The following SFXN4 variants were observed in gnomAD, a reference collection of about 807,000 sequenced individuals.
SFXN4 encodes the protein sideroflexin-4.
In SFXN4, 48 loss-of-function variants were observed where a neutral mutation model predicts 54.6. The observed-to-expected ratio is 0.88, with a 90% confidence interval of 0.70 to 1.12. The LOEUF (loss-of-function observed/expected upper bound fraction) is 1.12, where lower values mean the gene tolerates loss of function less well. Ranked by LOEUF, SFXN4 falls within the 50% of genes most tolerant of loss-of-function variation. The pLI is 0.00. For synonymous variants in SFXN4, 130 were observed against 145.5 expected, an observed-to-expected ratio of 0.89 and a Z score of 0.77; for missense variants, 383 against 409.2, an observed-to-expected ratio of 0.94 and a Z score of 0.55.
chr10:119,159,132 T>C (rs867364101), intron 6 of SFXN4, among the ~76,000 whole-genome samples: 2 of 151,910 alleles, frequency 1.3e-5, no homozygotes, highest in South Asian at 4.2e-4. Context: ...ATAAAAACAT[T>C]AGCTGGGTAT....
intron 9 of SFXN4, among the ~76,000 whole-genome samples, chr10:119,157,096 A>G (rs1437519940): frequency 6.6e-6 from 1 of 152,188 alleles, no homozygotes; most frequent in Non-Finnish European, 1.5e-5. Context: ...ATTATATAAC[A>G]TATTTATAAC....
At chr10:119,153,358 G>A (rs1362494091) in intron 11 of SFXN4, among the ~76,000 whole-genome samples, 1 of 143,802 alleles carries the variant, frequency 7.0e-6, no homozygotes, top group Admixed American at 7.1e-5. Flanking sequence ...CTGTAGAGCC[G>A]TGATCACACC....
rs527502242 is a variant in SFXN4 at position 119,149,755 on chromosome 10, T to G, written c.733-1895A>C. Among the ~76,000 whole-genome samples the G allele has an allele frequency of 1.3e-3, 205 of 152,080 alleles. 1 individual carries two copies. Among genetic ancestry groups the G allele is most frequent in the Non-Finnish European group, 2.2e-3 (151 of 67,982 alleles). On this transcript the variant is annotated intron_variant, in intron 11 of 13. Transcript: ENST00000355697. The stretch of plus-strand genomic sequence containing the variant: ...ACAGAGCGAGACTCAGTCTCTAAAA[T>G]AAAAGAAAATAAAATAAAAGTCTCA...
In SFXN4 at chr10:119,164,216, A is replaced by G; in HGVS notation, c.112-20T>C. The G allele has an allele frequency of 4.1e-6, 6 of 1,479,456 alleles. No individual in the cohort carries two copies. Among genetic ancestry groups the G allele is most frequent in the Non-Finnish European group, 5.6e-6 (6 of 1,076,874 alleles). 91.6% of individuals were successfully genotyped at this position (1,479,456 alleles called of 1,614,324 possible). A position where few individuals can be genotyped will look rare whatever the true frequency, so the allele number is the denominator to read the frequency against. On this transcript the variant is annotated intron_variant, in intron 1 of 13. Transcript: ENST00000355697. ...AAAGGACTTAGGAGGGAGAAAAGCA[A>G]CAGAGAGGTTAATGGCAGCAGAAAA...
At chr10:119,157,963 C>A (rs1847341212) in intron 7 of SFXN4, 36 bp from the exon 8 acceptor site, 1 of 1,614,144 alleles carries the variant, frequency 6.2e-7, no homozygotes, top group African/African-American at 1.3e-5. Flanking sequence ...ATTTTCGTTT[C>A]AAGCATAACA....
chr10:119,157,934 A>C lies in SFXN4; in HGVS notation c.415-7T>G. The stretch of plus-strand genomic sequence containing the variant: ...TGTAGGCACAGAGGAAAACCTGCCG[A>C]GAGGGGCAAATGGATCGCATTTTCG... On this transcript the variant is annotated splice_polypyrimidine_tract_variant and splice_region_variant and intron_variant, in intron 7 of 13. Coordinates refer to ENST00000355697, the MANE Select transcript of SFXN4 (RefSeq NM_213649.2). The C allele has an allele frequency of 6.2e-7, 1 of 1,614,260 alleles. No homozygotes were observed. Among genetic ancestry groups the C allele is most frequent in the Non-Finnish European group, 8.5e-7 (1 of 1,180,040 alleles).
At chr10:119,159,207 G>C (rs1305449612) in intron 6 of SFXN4, among the ~76,000 whole-genome samples, 2 of 151,858 alleles carry the variant, frequency 1.3e-5, no homozygotes, top group African/African-American at 4.8e-5. Context: ...TTGAACGAGG[G>C]AGGCAGAGGT....
At chr10:119,142,303 A>G (rs1206050878) in intron 13 of SFXN4, among the ~76,000 whole-genome samples, 1 of 152,118 alleles carries the variant, frequency 6.6e-6, no homozygotes, top group Non-Finnish European at 1.5e-5. Context: ...TCATTTCATC[A>G]AGCACCTCCC....
At chr10:119,154,135 G>A (rs186124000) in intron 11 of SFXN4, among the ~76,000 whole-genome samples, 128 of 150,300 alleles carry the variant, frequency 8.5e-4, no homozygotes, top group Non-Finnish European at 8.1e-4. Flanking sequence ...CTGAGATCAC[G>A]CCATTGCACT....
chr10:119,157,768 TCA>T (rs763466365), intron 8 of SFXN4, 35 bp from the exon 9 acceptor site: 19 of 1,604,184 alleles, frequency 1.2e-5, no homozygotes, highest in Non-Finnish European at 1.6e-5. Flanking sequence ...TTAGCAAATA[TCA>T]CAGTTTTATC....
At chr10:119,155,278 C>T (rs750472078) in intron 10 of SFXN4, 101 bp from the exon 11 acceptor site, 76 of 805,592 alleles carry the variant, frequency 9.4e-5, no homozygotes, top group Non-Finnish European at 1.5e-4. Flanking sequence ...GCCTCTTTCT[C>T]TGACAGCTGG....
At chr10:119,158,133 T>C (rs1245781290) in intron 6 of SFXN4, 71 bp from the exon 7 acceptor site, 1 of 1,427,652 alleles carries the variant, frequency 7.0e-7, no homozygotes, top group Non-Finnish European at 9.9e-7. Context: ...GCAAAGAACT[T>C]TCCAGGGGAG....
At chr10:119,158,245 C>G (rs1349459042) in intron 6 of SFXN4, 183 bp from the exon 7 acceptor site, 12 of 630,322 alleles carry the variant, frequency 1.9e-5, no homozygotes, top group Non-Finnish European at 3.1e-5. Flanking sequence ...TGCCAAACAC[C>G]AAACTAGCAG....
At chr10:119,158,182 G>A (rs2058689282) in intron 6 of SFXN4, 120 bp from the exon 7 acceptor site, 1 of 922,822 alleles carries the variant, frequency 1.1e-6, no homozygotes, top group Non-Finnish European at 1.8e-6. Flanking sequence ...GGCAGGAGAG[G>A]ATGGTGGTGG....
intron 13 of SFXN4, among the ~76,000 whole-genome samples, chr10:119,143,077 A>T (rs1350286951): frequency 6.6e-6 from 1 of 151,358 alleles, no homozygotes; most frequent in Non-Finnish European, 1.5e-5. Context: ...TTGGCATCTG[A>T]GGTCACGCGT....
intron 2 of SFXN4, 114 bp downstream of exon 2, chr10:119,164,017 G>T (rs1272821103): frequency 2.9e-6 from 2 of 695,376 alleles, no homozygotes; most frequent in East Asian, 2.9e-5. Flanking sequence ...TCCATCCTGG[G>T]CAAGAAGAAC....
intron 13 of SFXN4, among the ~76,000 whole-genome samples, chr10:119,142,726 A>ATTT (rs573311460): frequency 1.5e-4 from 12 of 77,444 alleles, no homozygotes; most frequent in Non-Finnish European, 2.4e-4. Context: ...AATGTTTTGA[A>ATTT]TTTTTTTTTT....
At chr10:119,146,465 G>GCA (rs1846813427) in intron 12 of SFXN4, 112 bp from the exon 13 acceptor site, 6 of 476,682 alleles carry the variant, frequency 1.3e-5, no homozygotes, top group African/African-American at 4.3e-5. Flanking sequence ...GTGTGTGCAC[G>GCA]TGTGTGTGTA....
At chr10:119,158,331 C>T (rs1180070109) in intron 6 of SFXN4, among the ~76,000 whole-genome samples, 1 of 152,074 alleles carries the variant, frequency 6.6e-6, no homozygotes, top group Non-Finnish European at 1.5e-5. Flanking sequence ...AAGATGTACA[C>T]ATTTGTTAGC....
Sources: gnomAD v4.1 joint callset for allele counts (sites outside exome capture counted in the v4.1 genomes callset) on GRCh38, gnomAD v4.1.1 for gene constraint, MANE v1.5 for transcripts, NCBI Gene and HGNC (gene_info 2026-07-23, HGNC 2026-07-21) for gene names.